The following AMBRA1 variants were observed in gnomAD, a reference collection of about 807,000 sequenced individuals.
AMBRA1 encodes the protein autophagy and beclin 1 regulator 1, also known as activating molecule in BECN1-regulated autophagy protein 1.
A neutral mutation model predicts 125.4 loss-of-function variants in AMBRA1; 47 were observed. The observed-to-expected ratio is 0.37, with a 90% CI of 0.30 to 0.48. The LOEUF is 0.48. AMBRA1 is among the 20% of genes least tolerant of loss of function. The pLI, the probability that AMBRA1 is intolerant of heterozygous loss-of-function variation, is 0.99. For synonymous variants in AMBRA1, 626 were observed against 655.5 expected (o/e 0.95, Z 0.69); for missense variants, 1,331 against 1,693.4 (o/e 0.79, Z 3.76).
At chr11:46,532,120 G>GAAAT (rs1051303698) in intron 7 of AMBRA1, among the ~76,000 whole-genome samples, 4 of 152,000 alleles carry the variant, frequency 2.6e-5, no homozygotes, top group Non-Finnish European at 2.9e-5. Flanking sequence ...CTATGTCTCA[G>GAAAT]AAATAAATTA....
At chr11:46,429,252 C>T (rs979555498) in intron 14 of AMBRA1, 56 of 946,946 alleles carry the variant, frequency 5.9e-5, no homozygotes, top group Non-Finnish European at 7.4e-5. Flanking sequence ...CCTCCAGCCC[C>T]TATCGCTACT....
chr11:46,523,183 C>G (rs1202363100), intron 7 of AMBRA1, among the ~76,000 whole-genome samples: 1 of 152,192 alleles, frequency 6.6e-6, no homozygotes, highest in African/African-American at 2.4e-5. Context: ...AATCACTTTT[C>G]TTATATCCAA....
At position 46,428,859 on chromosome 11, in the gene AMBRA1, G is replaced by A. The variant is rs894669527; in HGVS notation, c.2976+4615C>T. On this transcript the variant is annotated intron_variant, in intron 14 of 17. Coordinates refer to ENST00000683756, the MANE Select transcript of AMBRA1 (RefSeq NM_001387011.1). Reference sequence around the variant, plus strand: ...GGCCGAGGCCTGCCAGTCTCTGGACGGCTACGGCGTAGGATGGCAGGCACA... The same window carrying A: ...GGCCGAGGCCTGCCAGTCTCTGGACAGCTACGGCGTAGGATGGCAGGCACA... 127 of 1,611,658 alleles carry A rather than the reference G, an allele frequency of 7.9e-5. No homozygotes were observed. The African/African-American group carries it at 1.3e-3, about 17-fold the overall frequency.
chr11:46,520,008 G>A lies in AMBRA1; in HGVS notation c.2073-7195C>T, dbSNP rs946368322. On this transcript the variant is annotated intron_variant, in intron 7 of 17. Transcript: ENST00000683756. Reference sequence around the variant, plus strand: ...TAAAAAATTAGCCAGGCATGGTGGCGCATGCCTGTAATCCCAGCTACTCAG... The same window carrying A: ...TAAAAAATTAGCCAGGCATGGTGGCACATGCCTGTAATCCCAGCTACTCAG... 4.0e-5 allele frequency among the ~76,000 whole-genome samples: 6 copies of A among 151,878 alleles called. No individual in the cohort carries two copies. In the South Asian group the frequency reaches 8.3e-4, roughly 21 times the overall value.
rs188105279 is a variant in AMBRA1 at position 46,510,359 on chromosome 11, G to C, written c.2160-1989C>G. Among the ~76,000 whole-genome samples, 251 of 152,260 alleles carry C rather than the reference G, an allele frequency of 1.6e-3. 3 individuals carry two copies. The highest frequency in any genetic ancestry group is 2.5e-3 in the Non-Finnish European group (167 of 68,030). On this transcript the variant is annotated intron_variant, in intron 8 of 17. Transcript: ENST00000683756. ...TTTCAACCAACAGAAGTCGATGTTC[G>C]TGCACTGTTCTTATATCTGCCCAAT...
intron 15 of AMBRA1, among the ~76,000 whole-genome samples, chr11:46,413,263 C>T (rs1173345673): frequency 3.3e-5 from 5 of 152,216 alleles, no homozygotes; most frequent in African/African-American, 1.2e-4. Context: ...AGAACAGGGG[C>T]CGTACTTCCT....
chr11:46,588,707 G>A (rs1477952244), intron 1 of AMBRA1, among the ~76,000 whole-genome samples: 6 of 151,250 alleles, frequency 4.0e-5, no homozygotes, highest in Admixed American at 2.0e-4. Flanking sequence ...CCCAGGAGGC[G>A]GAGGATGCAG....
intron 15 of AMBRA1, among the ~76,000 whole-genome samples, chr11:46,412,868 G>A (rs117021349): frequency 0.012 from 1,809 of 152,310 alleles, 22 homozygotes; most frequent in Non-Finnish European, 0.017. Context: ...TTTTTGGTGA[G>A]CAAATCCTGT....
intron 11 of AMBRA1, chr11:46,451,974 G>A (rs568617612): frequency 1.8e-3 from 280 of 152,186 alleles, no homozygotes; most frequent in Non-Finnish European, 3.1e-3. Context: ...GGAAGTGACT[G>A]CTGATGTGTA....
intron 11 of AMBRA1, among the ~76,000 whole-genome samples, chr11:46,481,328 A>G (rs1950058246): frequency 6.6e-6 from 1 of 152,182 alleles, no homozygotes; most frequent in Admixed American, 6.5e-5. Context: ...GATCTGCGAC[A>G]AGGATATAAG....
intron 11 of AMBRA1, among the ~76,000 whole-genome samples, chr11:46,459,308 G>A (rs905724633): frequency 6.6e-6 from 1 of 152,150 alleles, no homozygotes; most frequent in Non-Finnish European, 1.5e-5. Context: ...GAATGGGGTT[G>A]GAAGAGTGGG....
intron 15 of AMBRA1, among the ~76,000 whole-genome samples, chr11:46,416,711 C>T (rs557641356): frequency 5.3e-5 from 8 of 152,308 alleles, no homozygotes; most frequent in Non-Finnish European, 7.3e-5. Context: ...CTGTGATCTG[C>T]AGAACACTCT....
chr11:46,534,222 G>A (rs1034865716), intron 7 of AMBRA1, among the ~76,000 whole-genome samples: 15 of 151,060 alleles, frequency 9.9e-5, no homozygotes, highest in Non-Finnish European at 1.5e-5. Context: ...GCCAGGTGCG[G>A]TGGCTCAGGC....
intron 1 of AMBRA1, among the ~76,000 whole-genome samples, chr11:46,573,784 T>C (rs1422733729): frequency 1.3e-5 from 2 of 150,524 alleles, no homozygotes; most frequent in Admixed American, 6.6e-5. Context: ...TCATCTAGCA[T>C]TAGGTATACC....
intron 9 of AMBRA1, among the ~76,000 whole-genome samples, chr11:46,499,948 G>C (rs1208476926): frequency 6.6e-6 from 1 of 152,034 alleles, no homozygotes; most frequent in Non-Finnish European, 1.5e-5. Flanking sequence ...CACCGCCCCC[G>C]GCTGACAGGG....
intron 11 of AMBRA1, 38 bp from the exon 12 acceptor site, chr11:46,443,636 T>C (rs758167089): frequency 9.1e-6 from 14 of 1,530,570 alleles, no homozygotes; most frequent in Non-Finnish European, 1.3e-5. Flanking sequence ...CATTATATTA[T>C]TTATCCACGT....
Position 46,396,618 on chromosome 11 carries a change from C to T in AMBRA1, c.*832G>A, listed in dbSNP as rs1423946938. 6.6e-6 allele frequency: 1 copy of T among 152,664 alleles called. No homozygotes were observed. The highest frequency in any genetic ancestry group is 1.5e-5 in the Non-Finnish European group (1 of 68,044). 9.5% of individuals were successfully genotyped at this position (152,664 alleles called of 1,614,324 possible). A position where few individuals can be genotyped will look rare whatever the true frequency, so the allele number is the denominator to read the frequency against. On this transcript the variant is annotated 3_prime_UTR_variant, in exon 18 of 18. Transcript: ENST00000683756. Reference sequence around the variant, plus strand: ...ACAGTTAAGAGTCCACATGCAACACCTTAAATCACAGACTGAGACCTCACA... The same window carrying T: ...ACAGTTAAGAGTCCACATGCAACACTTTAAATCACAGACTGAGACCTCACA...
At chr11:46,484,461 A>C (rs187974687) in intron 11 of AMBRA1, among the ~76,000 whole-genome samples, 4 of 152,322 alleles carry the variant, frequency 2.6e-5, no homozygotes, top group African/African-American at 7.2e-5. Flanking sequence ...GGGATTTAAT[A>C]ATCTTTGAGA....
intron 3 of AMBRA1, 106 bp downstream of exon 3, chr11:46,547,711 A>G (rs896379657): frequency 3.6e-6 from 4 of 1,112,800 alleles, no homozygotes; most frequent in South Asian, 1.4e-5. Context: ...CTGTTCATAC[A>G]GTACTTCAGA....
Sources: allele counts gnomAD v4.1 joint callset (sites outside exome capture counted in the v4.1 genomes callset), GRCh38; gene constraint gnomAD v4.1.1; transcripts MANE v1.5; gene names NCBI Gene and HGNC (gene_info 2026-07-23, HGNC 2026-07-21).